Variants in ATG13 observed in about 807,000 individuals in gnomAD.
The protein encoded by ATG13 is autophagy-related protein 13.
In ATG13, 23 loss-of-function variants were observed where a neutral mutation model predicts 65.5. The ratio of observed to expected loss-of-function variants is 0.35; its 90% CI spans 0.25 to 0.50. ATG13 has a LOEUF of 0.50. ATG13 is among the 20% of genes least tolerant of loss of function. ATG13 has a pLI of 0.98. For synonymous variants in ATG13, 252 were observed against 245.2 expected (o/e 1.03, Z -0.26); for missense variants, 566 against 677.0 (o/e 0.84, Z 1.82).
chr11:46,669,356 C>A, intron 17 of ATG13, 48 bp from the exon 18 acceptor site: 2 of 1,607,608 alleles, frequency 1.2e-6, no homozygotes, highest in South Asian at 2.2e-5. Flanking sequence ...TAGCTTATCT[C>A]CTCTGTGGTT....
At chr11:46,632,372 T>C (rs904927956) in intron 2 of ATG13, 1 of 152,218 alleles carries the variant, frequency 6.6e-6, no homozygotes, top group Non-Finnish European at 1.5e-5. Flanking sequence ...TGAACTTACA[T>C]ATTCAGCATA....
rs888988348 is a variant in ATG13, at chr11:46,617,744, T to G, written c.-216T>G. 1.0e-5 allele frequency: 4 copies of G among 398,498 alleles called. No homozygotes were observed. Among genetic ancestry groups the G allele is most frequent in the African/African-American group, 8.2e-5 (4 of 48,640 alleles). The allele number at this position is 398,498 out of a possible 1,614,324, so 24.7% of individuals were successfully genotyped here. On this transcript the variant is annotated 5_prime_UTR_variant, in exon 1 of 19. Transcript: ENST00000683050. ...TGGGGCCTGCGAGCCAGGACCCTTCTGAAGCCTTAGGTGTCTATCGGCGAC... is the reference window on the plus strand; with the variant it reads ...TGGGGCCTGCGAGCCAGGACCCTTCGGAAGCCTTAGGTGTCTATCGGCGAC...
intron 1 of ATG13, among the ~76,000 whole-genome samples, chr11:46,626,480 C>T (rs1246720954): frequency 6.6e-6 from 1 of 152,004 alleles, no homozygotes; most frequent in Non-Finnish European, 1.5e-5. Context: ...GAACTCCTGA[C>T]CTCAGGTGAT....
chr11:46,625,508 C>T (rs980510196), intron 1 of ATG13: 2 of 152,132 alleles, frequency 1.3e-5, no homozygotes, highest in African/African-American at 2.4e-5. Context: ...AAGCTATCCT[C>T]CTGCCTCGGC....
rs572540535 is a variant in ATG13, at chr11:46,671,252, A to G, written c.1576-1003A>G. On this transcript the variant is annotated intron_variant, in intron 18 of 18. Coordinates refer to ENST00000683050, the MANE Select transcript of ATG13 (RefSeq NM_001346311.2). ...CCCTTGTGGTCGTGTTTAAACCCCT[A>G]CTGGCAGGAAATTGTGATGGTGAAA... is the stretch of plus-strand genomic sequence containing the variant. 2.0e-5 allele frequency among the ~76,000 whole-genome samples: 3 copies of G among 152,252 alleles called. No individual in the cohort carries two copies. In the South Asian group the frequency reaches 6.2e-4, roughly 32 times the overall value.
In ATG13 at chr11:46,657,504, A is replaced by G. The variant is rs766988938; in HGVS notation, c.597-20A>G. 13 of 1,604,104 alleles carry G rather than the reference A, an allele frequency of 8.1e-6. No homozygotes were observed. The South Asian group carries it at 1.4e-4, about 18-fold the overall frequency. On this transcript the variant is annotated intron_variant, in intron 9 of 18. Coordinates refer to ENST00000683050, the MANE Select transcript of ATG13 (RefSeq NM_001346311.2). ...GAAAGGCATTCTAACAAATACTGGA[A>G]TCTGCTTATTGTATTACAGGCAATT... is the stretch of plus-strand genomic sequence containing the variant.
chr11:46,652,444 G>A (rs1485287473), intron 7 of ATG13, among the ~76,000 whole-genome samples: 1 of 152,158 alleles, frequency 6.6e-6, no homozygotes, highest in Non-Finnish European at 1.5e-5. Context: ...ACCAGGTGTA[G>A]TGACTCACGC....
At chr11:46,658,498 T>C (rs906399256) in intron 10 of ATG13, among the ~76,000 whole-genome samples, 30 of 151,986 alleles carry the variant, frequency 2.0e-4, no homozygotes, top group Admixed American at 4.6e-4. Flanking sequence ...GAGTTGGAGA[T>C]CAGCCCAGGC....
At chr11:46,657,323 G>T in intron 9 of ATG13, 132 bp downstream of exon 9, 2 of 964,922 alleles carry the variant, frequency 2.1e-6, no homozygotes, top group East Asian at 5.2e-5. Context: ...AAGAGAGAGT[G>T]CAGTTGCCAG....
intron 5 of ATG13, among the ~76,000 whole-genome samples, chr11:46,647,247 G>A (rs2057801549): frequency 6.6e-6 from 1 of 150,842 alleles, no homozygotes; most frequent in South Asian, 2.1e-4. Context: ...CTGGGTGGTG[G>A]TGGTGGTTGC....
At chr11:46,665,249 C>G (rs973335587) in intron 13 of ATG13, 134 bp from the exon 14 acceptor site, 3 of 1,127,778 alleles carry the variant, frequency 2.7e-6, no homozygotes, top group Non-Finnish European at 3.8e-6. Context: ...GATAAAGATC[C>G]AGGGATTGCT....
chr11:46,663,849 C>G (rs1592180984), intron 11 of ATG13, 148 bp from the exon 12 acceptor site: 1 of 588,316 alleles, frequency 1.7e-6, no homozygotes, highest in Non-Finnish European at 2.9e-6. Flanking sequence ...AGCCCCACGC[C>G]CTTGCCCTGC....
chr11:46,656,478 A>C, intron 8 of ATG13: 1 of 443,222 alleles, frequency 2.3e-6, no homozygotes, highest in Non-Finnish European at 4.0e-6. Flanking sequence ...AGTTCCAGGA[A>C]CTCAGTCTTC....
intron 17 of ATG13, 92 bp downstream of exon 17, chr11:46,669,002 G>GA: frequency 9.4e-7 from 1 of 1,066,212 alleles, no homozygotes; most frequent in Non-Finnish European, 1.4e-6. Context: ...CCTTCATAGG[G>GA]ATCAGATGTG....
chr11:46,672,264 C>T lies in ATG13; in HGVS notation c.1585C>T (p.Pro529Ser), dbSNP rs751257258. The T allele has an allele frequency of 1.4e-5, 23 of 1,614,124 alleles. No individual in the cohort carries two copies. The highest frequency in any genetic ancestry group is 1.8e-5 in the Non-Finnish European group (21 of 1,180,038). Reference protein sequence around the residue: ...QSMAEDLDSLPEKLAVHEKNV... With the variant: ...QSMAEDLDSLSEKLAVHEKNV... ...TCTCTTTCCGGTACAGGACTCATTA[C>T]CAGAGAAGCTGGCTGTGCATGAGAA... The change falls in exon 19 of 19, where the codon CCA (proline) becomes TCA (serine). Residue 529 changes from proline (P) to serine (S), a missense_variant. By Grantham distance (74) the Pro-to-Ser change is moderately conservative. This residue lies in a region of ATG13 where 387 missense variants were observed against 409.8 expected (regional missense o/e 0.94). Coordinates refer to ENST00000683050, the MANE Select transcript of ATG13 (RefSeq NM_001346311.2).
intron 8 of ATG13, chr11:46,656,528 C>G (rs2060076827): frequency 3.0e-6 from 1 of 335,708 alleles, no homozygotes; most frequent in South Asian, 1.1e-4. Flanking sequence ...TCCTAATTTT[C>G]TACAGTGAGG....
chr11:46,625,578 A>G (rs966641341), intron 1 of ATG13, among the ~76,000 whole-genome samples: 5 of 152,246 alleles, frequency 3.3e-5, no homozygotes, highest in South Asian at 2.1e-4. Flanking sequence ...ATACAAATTT[A>G]TCACAGAGTG....
At chr11:46,636,918 G>A (rs1286865484) in intron 2 of ATG13, among the ~76,000 whole-genome samples, 5 of 151,900 alleles carry the variant, frequency 3.3e-5, no homozygotes, top group East Asian at 1.9e-4. Flanking sequence ...TAGTAGAGAC[G>A]GGGTTTCACC....
Position 46,672,918 on chromosome 11 carries a change from C to T in ATG13, c.*586C>T. ...TCTGGCAATATGACAGGCCTGCCTA[C>T]CCAAGATCAGAACTCCAAAACCACT... On this transcript the variant is annotated 3_prime_UTR_variant, in exon 19 of 19. Transcript: ENST00000683050. 1.2e-6 allele frequency: 1 copy of T among 865,370 alleles called. No homozygotes were observed. Among genetic ancestry groups the T allele is most frequent in the South Asian group, 1.7e-5 (1 of 57,238 alleles). 53.6% of individuals were successfully genotyped at this position (865,370 alleles called of 1,614,324 possible).
Sources: allele counts gnomAD v4.1 joint callset (sites outside exome capture counted in the v4.1 genomes callset), GRCh38; gene constraint gnomAD v4.1.1; regional missense constraint gnomAD v4.1.1; transcripts MANE v1.5; gene names NCBI Gene and HGNC (gene_info 2026-07-23, HGNC 2026-07-21).